TTYH2: variants seen among roughly 807,000 people sequenced by gnomAD.
The protein encoded by TTYH2 is protein tweety homolog 2.
In TTYH2, 49 loss-of-function variants were observed where a neutral mutation model predicts 68.3. The observed-to-expected ratio is 0.72, with a 90% confidence interval of 0.57 to 0.91. The LOEUF is 0.91. Ranked by LOEUF, TTYH2 falls within the 40% of genes least tolerant of loss-of-function variation. The pLI is 0.00. For synonymous variants in TTYH2, 272 were observed against 300.8 expected, an observed-to-expected ratio of 0.90 and a Z score of 0.99; for missense variants, 631 against 700.4, an observed-to-expected ratio of 0.90 and a Z score of 1.12.
rs1312859234 is a variant in TTYH2, at chr17:74,215,891, G to A, written c.129+2175G>A. Among the ~76,000 whole-genome samples the A allele has an allele frequency of 6.6e-6, 1 of 152,228 alleles. No individual in the cohort carries two copies. Among genetic ancestry groups the A allele is most frequent in the South Asian group, 2.1e-4 (1 of 4,836 alleles). ...TAACCAAGGCAGCAGGTCTTCAGGA[G>A]AAATTGCTGGGGATTTTCTGCGGCT... On this transcript the variant is annotated intron_variant, in intron 1 of 13. Transcript: ENST00000269346. The surrounding 1 kb of genome is among the most constrained non-coding windows in gnomAD (Gnocchi z 4.3).
In TTYH2 at chr17:74,233,543, G is replaced by A. The variant is rs577276841; in HGVS notation, c.414+2544G>A. ...GAGGCAGATGGGGGACTCGTCGACA[G>A]GTCAGGCAGGACCTGGATCTGGGCC... On this transcript the variant is annotated intron_variant, in intron 3 of 13. Transcript: ENST00000269346. 4.6e-5 allele frequency among the ~76,000 whole-genome samples: 7 copies of A among 152,312 alleles called. No homozygotes were observed. The South Asian group carries it at 6.2e-4, about 14-fold the overall frequency.
intron 6 of TTYH2, chr17:74,248,468 C>T (rs1304863267): frequency 1.0e-6 from 1 of 987,932 alleles, no homozygotes; most frequent in Non-Finnish European, 1.2e-6. Context: ...CAGGTGAGCA[C>T]CTGCACCCAA....
chr17:74,221,179 C>T (rs1415527407), intron 1 of TTYH2, among the ~76,000 whole-genome samples: 2 of 152,214 alleles, frequency 1.3e-5, no homozygotes, highest in African/African-American at 4.8e-5. Flanking sequence ...GCCCCCATCA[C>T]TTCAGCTGAG....
At chr17:74,257,245 A>T (rs1238487777) in intron 13 of TTYH2, among the ~76,000 whole-genome samples, 1 of 152,220 alleles carries the variant, frequency 6.6e-6, no homozygotes, top group Non-Finnish European at 1.5e-5. Context: ...TCAAGGACAG[A>T]AAACCCTTCC....
chr17:74,218,708 A>G (rs2050245402), intron 1 of TTYH2, among the ~76,000 whole-genome samples: 1 of 152,058 alleles, frequency 6.6e-6, no homozygotes, highest in South Asian at 2.1e-4. Flanking sequence ...GGCTTGAGAG[A>G]GTGAAACGGG....
intron 8 of TTYH2, among the ~76,000 whole-genome samples, chr17:74,249,637 G>A (rs959489921): frequency 6.6e-6 from 1 of 152,182 alleles, no homozygotes; most frequent in Non-Finnish European, 1.5e-5. Context: ...CAGGAGCTCT[G>A]GGGTGGGGCC....
At chr17:74,252,898 A>G (rs1186821272) in intron 11 of TTYH2, among the ~76,000 whole-genome samples, 183 bp from the exon 12 acceptor site, 2 of 152,164 alleles carry the variant, frequency 1.3e-5, no homozygotes, top group Non-Finnish European at 2.9e-5. Flanking sequence ...CTGGTCGTGA[A>G]GCTGGGAATG....
chr17:74,249,504 C>T, intron 8 of TTYH2, 105 bp downstream of exon 8: 2 of 1,255,438 alleles, frequency 1.6e-6, no homozygotes, highest in South Asian at 2.5e-5. Flanking sequence ...CCTTGCTTGC[C>T]TCACTGTGGT....
chr17:74,260,249 T>G lies in TTYH2; in HGVS notation c.*40T>G. 1 of 1,596,598 alleles carries G rather than the reference T, an allele frequency of 6.3e-7. No homozygotes were observed. Among genetic ancestry groups the G allele is most frequent in the Non-Finnish European group, 8.6e-7 (1 of 1,165,050 alleles). ...TTCCTGCCTCCTTTTTCCGTTCTGG[T>G]TTTTAATTAGTGCAAATACAAGCTG... On this transcript the variant is annotated 3_prime_UTR_variant, in exon 14 of 14. Coordinates refer to ENST00000269346, the MANE Select transcript of TTYH2 (RefSeq NM_032646.6).
At chr17:74,228,132 C>A (rs953776400) in intron 2 of TTYH2, among the ~76,000 whole-genome samples, 1 of 151,820 alleles carries the variant, frequency 6.6e-6, no homozygotes, top group African/African-American at 2.4e-5. Context: ...TACAGGCATG[C>A]GCCACCACGC....
In TTYH2 at chr17:74,241,916, G is replaced by A. The variant is rs537403919; in HGVS notation, c.636-1458G>A. On this transcript the variant is annotated intron_variant, in intron 4 of 13. Transcript: ENST00000269346. This position sits in a 1 kb window ranked among gnomAD's most constrained non-coding sequence, Gnocchi z 4.1. ...GGACCTGTGTGGAAGGGAAAGGAACGAGGGCACTTTGTTTGGGGTCTTCTC... is the reference window on the plus strand; with the variant it reads ...GGACCTGTGTGGAAGGGAAAGGAACAAGGGCACTTTGTTTGGGGTCTTCTC... Among the ~76,000 whole-genome samples the A allele has an allele frequency of 1.1e-4, 16 of 152,340 alleles. No individual in the cohort carries two copies. In the South Asian group the frequency reaches 3.1e-3, roughly 30 times the overall value.
At chr17:74,220,189 G>A (rs2050262094) in intron 1 of TTYH2, among the ~76,000 whole-genome samples, 2 of 152,142 alleles carry the variant, frequency 1.3e-5, no homozygotes, top group South Asian at 4.1e-4. Context: ...TAGCAGAGAG[G>A]CCTCAGGGGC....
At position 74,251,137 on chromosome 17, in the gene TTYH2, TATGTG is replaced by T. The variant is rs1344610038; in HGVS notation, c.1116+786_1116+790del. Among the ~76,000 whole-genome samples, 15 of 150,670 alleles carry T rather than the reference TATGTG, an allele frequency of 1.0e-4. No individual in the cohort carries two copies. The South Asian group carries it at 1.5e-3, about 15-fold the overall frequency. On this transcript the variant is annotated intron_variant, in intron 10 of 13. Coordinates refer to ENST00000269346, the MANE Select transcript of TTYH2 (RefSeq NM_032646.6). ...GTTTCTGCGGTTGTGTGGGTGCACA[TATGTG>T]ATGTGTGTATGTATGTGTGTGGTAT... is the stretch of plus-strand genomic sequence containing the variant.
At position 74,215,353 on chromosome 17, in the gene TTYH2, A is replaced by G. The variant is rs934781302; in HGVS notation, c.129+1637A>G. ...ATGGTAAGGGGACTCCCTCACCCTGATGGCCCCAGAGACAGTTCCTATCAG... is the reference window on the plus strand; with the variant it reads ...ATGGTAAGGGGACTCCCTCACCCTGGTGGCCCCAGAGACAGTTCCTATCAG... On this transcript the variant is annotated intron_variant, in intron 1 of 13. Transcript: ENST00000269346. The surrounding 1 kb of genome is among the most constrained non-coding windows in gnomAD (Gnocchi z 4.3). 6.6e-6 allele frequency among the ~76,000 whole-genome samples: 1 copy of G among 151,790 alleles called. No individual in the cohort carries two copies. Among genetic ancestry groups the G allele is most frequent in the African/African-American group, 2.4e-5 (1 of 41,374 alleles).
At position 74,252,191 on chromosome 17, in the gene TTYH2, C is replaced by T. The variant is rs1010636833; in HGVS notation, c.1117-43C>T. 3 of 1,606,346 alleles carry T rather than the reference C, an allele frequency of 1.9e-6. No homozygotes were observed. In the African/African-American group the frequency reaches 4.0e-5, roughly 21 times the overall value. ...AGGAGAGCTCGGCCCGCAGGCTTTG[C>T]CCCCGCTCCTTCACTAGCTGCATGT... is the stretch of plus-strand genomic sequence containing the variant. On this transcript the variant is annotated intron_variant, in intron 10 of 13. Transcript: ENST00000269346.
At chr17:74,259,676 A>G (rs976271738) in intron 13 of TTYH2, among the ~76,000 whole-genome samples, 2 of 152,140 alleles carry the variant, frequency 1.3e-5, no homozygotes, top group African/African-American at 4.8e-5. Flanking sequence ...CGCCCTTTCA[A>G]CGTAAGAGCT....
At position 74,253,735 on chromosome 17, in the gene TTYH2, C is replaced by T. The variant is rs1375719714; in HGVS notation, c.1446-20C>T. The T allele has an allele frequency of 5.6e-6, 9 of 1,613,386 alleles. No homozygotes were observed. The highest frequency in any genetic ancestry group is 7.6e-6 in the Non-Finnish European group (9 of 1,179,438). On this transcript the variant is annotated intron_variant, in intron 12 of 13. Transcript: ENST00000269346. ...CACTCCCACACCATCCCCTCCTGAG[C>T]TCTCCTCTCATCCCCGCAGGAACCA...
chr17:74,242,911 G>A (rs1344477441), intron 4 of TTYH2, among the ~76,000 whole-genome samples: 1 of 152,214 alleles, frequency 6.6e-6, no homozygotes, highest in Non-Finnish European at 1.5e-5. Context: ...GGAGGCCGCA[G>A]AAAGACACTT....
intron 3 of TTYH2, 100 bp from the exon 4 acceptor site, chr17:74,237,194 C>A: frequency 8.5e-7 from 1 of 1,178,616 alleles, no homozygotes; most frequent in South Asian, 1.4e-5. Context: ...GCGTAATTAT[C>A]GCACCTGGCC....
Sources: allele counts gnomAD v4.1 joint callset (sites outside exome capture counted in the v4.1 genomes callset), GRCh38; gene constraint gnomAD v4.1.1; non-coding constraint Gnocchi (gnomAD v3.1); transcripts MANE v1.5; gene names NCBI Gene and HGNC (gene_info 2026-07-23, HGNC 2026-07-21).